The following SUGCT variants were observed in gnomAD, a reference collection of about 807,000 sequenced individuals.
SUGCT encodes the protein succinyl-CoA:glutarate-CoA transferase, also known as succinyl-CoA:glutarate CoA-transferase.
In SUGCT, 41 loss-of-function variants were observed where a neutral mutation model predicts 55.0. That is an observed-to-expected ratio of 0.74 (90% confidence interval 0.58 to 0.97). SUGCT has a LOEUF of 0.97. Ranked by LOEUF, SUGCT falls within the 50% of genes least tolerant of loss-of-function variation. The pLI is 0.00. For synonymous variants in SUGCT, 187 were observed against 200.4 expected, an observed-to-expected ratio of 0.93 and a Z score of 0.56; for missense variants, 568 against 547.8, an observed-to-expected ratio of 1.04 and a Z score of -0.37.
chr7:41,017,047 G>A, the SUGCT span, among the ~76,000 whole-genome samples: 1 of 152,212 alleles, frequency 6.6e-6, no homozygotes, highest in Non-Finnish European at 1.5e-5. Flanking sequence ...TGGTCTTTGA[G>A]CCACGTTACT....
intron 13 of SUGCT, among the ~76,000 whole-genome samples, chr7:40,764,024 A>G (rs897502614): frequency 2.0e-5 from 3 of 152,172 alleles, no homozygotes; most frequent in Admixed American, 6.5e-5. Context: ...CCTGCAGCAT[A>G]TATACAGCAG....
At chr7:40,632,155 C>T (rs1414349938) in intron 12 of SUGCT, among the ~76,000 whole-genome samples, 1 of 152,134 alleles carries the variant, frequency 6.6e-6, no homozygotes, top group Non-Finnish European at 1.5e-5. Flanking sequence ...CAGGTGGACC[C>T]TCAGGATGAC....
chr7:40,237,837 T>A, intron 7 of SUGCT, 111 bp downstream of exon 7: 1 of 774,664 alleles, frequency 1.3e-6, no homozygotes, highest in Non-Finnish European at 2.0e-6. Flanking sequence ...GGGGCAAAAG[T>A]AATTGCTGTT....
chr7:40,441,930 G>A (rs762524618), intron 9 of SUGCT, among the ~76,000 whole-genome samples: 2 of 151,986 alleles, frequency 1.3e-5, no homozygotes, highest in African/African-American at 2.4e-5. Flanking sequence ...GTTTCTGGGT[G>A]GGGGGTCTCA....
chr7:40,494,365 A>G (rs1372721625), intron 11 of SUGCT, among the ~76,000 whole-genome samples: 2 of 152,204 alleles, frequency 1.3e-5, no homozygotes, highest in Admixed American at 1.3e-4. Flanking sequence ...GATGATATTT[A>G]TCTATATATA....
chr7:41,003,555 G>C, the SUGCT span, among the ~76,000 whole-genome samples: 1 of 152,278 alleles, frequency 6.6e-6, no homozygotes, highest in Admixed American at 6.5e-5. Flanking sequence ...CTCCCAAACT[G>C]TTAAATCCAT....
intron 12 of SUGCT, among the ~76,000 whole-genome samples, chr7:40,630,909 C>T (rs1370682385): frequency 6.6e-6 from 1 of 151,752 alleles, no homozygotes; most frequent in Non-Finnish European, 1.5e-5. Flanking sequence ...GTGGGAGACT[C>T]GTTAATTTTG....
At chr7:40,329,636 G>A (rs942880703) in intron 9 of SUGCT, among the ~76,000 whole-genome samples, 1 of 152,172 alleles carries the variant, frequency 6.6e-6, no homozygotes, top group African/African-American at 2.4e-5. Context: ...TCACCTGGAA[G>A]TTAGAAGTAA....
rs545895529 is a variant in SUGCT at position 40,399,124 on chromosome 7, T to C, written c.817-50163T>C. Reference sequence around the variant, plus strand: ...GAGGTTTGCAAAGGACTGATTTTGATGCATCAGTCAGGAAATTTTTTTAAA... The same window carrying C: ...GAGGTTTGCAAAGGACTGATTTTGACGCATCAGTCAGGAAATTTTTTTAAA... On this transcript the variant is annotated intron_variant, in intron 9 of 13. Transcript: ENST00000335693. 2.0e-5 allele frequency among the ~76,000 whole-genome samples: 3 copies of C among 152,312 alleles called. No individual in the cohort carries two copies. The South Asian group carries it at 6.2e-4, about 32-fold the overall frequency.
chr7:40,195,075 C>T lies in SUGCT; in HGVS notation c.484+15C>T. ...TTCCATCACAGGTATTTCAACCCCA[C>T]ACCCTTGTCAGTTAAAAGGTTTTCC... On this transcript the variant is annotated intron_variant, in intron 6 of 13. Transcript: ENST00000335693. 1.2e-6 allele frequency: 2 copies of T among 1,602,688 alleles called. No homozygotes were observed. The highest frequency in any genetic ancestry group is 1.1e-5 in the South Asian group (1 of 88,472).
intron 12 of SUGCT, among the ~76,000 whole-genome samples, chr7:40,587,157 T>TA (rs1797424889): frequency 6.6e-6 from 1 of 152,202 alleles, no homozygotes; most frequent in South Asian, 2.1e-4. Flanking sequence ...GGATTAACTA[T>TA]AAAGAGACAC....
chr7:40,631,710 A>G (rs1799797325), intron 12 of SUGCT, among the ~76,000 whole-genome samples: 1 of 152,172 alleles, frequency 6.6e-6, no homozygotes, highest in African/African-American at 2.4e-5. Context: ...AAGCCTGGGT[A>G]GGGTTTGACA....
chr7:40,191,216 C>G (rs1356011961), intron 5 of SUGCT, among the ~76,000 whole-genome samples: 1 of 152,052 alleles, frequency 6.6e-6, no homozygotes, highest in Non-Finnish European at 1.5e-5. Flanking sequence ...GGGGTTTCAC[C>G]ATATTGGTCA....
chr7:40,322,666 A>G (rs931548417), intron 9 of SUGCT, among the ~76,000 whole-genome samples: 4 of 152,194 alleles, frequency 2.6e-5, no homozygotes, highest in Non-Finnish European at 4.4e-5. Context: ...CTTTCCTTAA[A>G]AAGACTACCA....
chr7:40,670,754 T>C (rs1298020694), intron 12 of SUGCT, among the ~76,000 whole-genome samples: 1 of 151,952 alleles, frequency 6.6e-6, no homozygotes, highest in Non-Finnish European at 1.5e-5. Flanking sequence ...AGCCTTACAA[T>C]TATTAATAAA....
intron 12 of SUGCT, among the ~76,000 whole-genome samples, chr7:40,506,480 G>C (rs1390400743): frequency 6.6e-6 from 1 of 151,960 alleles, no homozygotes; most frequent in Non-Finnish European, 1.5e-5. Context: ...GGATGTTTGT[G>C]GTTCTATTAA....
At chr7:40,855,858 C>T (rs1279482440) in intron 13 of SUGCT, among the ~76,000 whole-genome samples, 5 of 152,194 alleles carry the variant, frequency 3.3e-5, no homozygotes, top group African/African-American at 9.7e-5. Context: ...AAATTTTTAA[C>T]TTTCCCTTTA....
intron 12 of SUGCT, among the ~76,000 whole-genome samples, chr7:40,570,850 C>CT (rs776733346): frequency 0.13 from 6,548 of 52,270 alleles, 1,789 homozygotes; most frequent in Middle Eastern, 0.18. Context: ...GCTTTAGGCT[C>CT]TTTTTTTTTT....
intron 9 of SUGCT, among the ~76,000 whole-genome samples, chr7:40,435,582 T>G (rs1010429156): frequency 6.6e-6 from 1 of 152,168 alleles, no homozygotes; most frequent in Non-Finnish European, 1.5e-5. Context: ...GAACTAGCAT[T>G]TAAGTTGCTC....
Sources: allele counts gnomAD v4.1 joint callset (sites outside exome capture counted in the v4.1 genomes callset), GRCh38; gene constraint gnomAD v4.1.1; transcripts MANE v1.5; gene names NCBI Gene and HGNC (gene_info 2026-07-23, HGNC 2026-07-21).